Variants in ZNF180 observed in about 807,000 individuals in gnomAD.
ZNF180 encodes zinc finger protein 180 (HHZ168).
A neutral mutation model predicts 11.8 loss-of-function variants in ZNF180; 11 were observed. The ratio of observed to expected loss-of-function variants is 0.93; its 90% CI spans 0.59 to 1.55. ZNF180 has a LOEUF of 1.55. Ranked by LOEUF, ZNF180 falls within the 40% of genes most tolerant of loss-of-function variation. The pLI is 0.00. For synonymous variants in ZNF180, 287 were observed against 257.7 expected, an observed-to-expected ratio of 1.11 and a Z score of -1.09; for missense variants, 773 against 781.7, an observed-to-expected ratio of 0.99 and a Z score of 0.13.
At chr19:44,482,127 G>GGTTTTT (rs1970096569) in intron 3 of ZNF180, among the ~76,000 whole-genome samples, 1 of 152,132 alleles carries the variant, frequency 6.6e-6, no homozygotes, top group African/African-American at 2.4e-5. Flanking sequence ...GCAACATGGT[G>GGTTTTT]AAACCCTGTC....
intron 2 of ZNF180, among the ~76,000 whole-genome samples, chr19:44,488,164 C>T (rs1555735772): frequency 5.5e-5 from 5 of 90,630 alleles, no homozygotes; most frequent in South Asian, 9.8e-4. Context: ...TCTCTTTCCA[C>T]GGTCTCCCTC....
intron 2 of ZNF180, among the ~76,000 whole-genome samples, chr19:44,488,844 C>T (rs189542968): frequency 0.015 from 2,204 of 151,908 alleles, 12 homozygotes; most frequent in African/African-American, 0.023. Flanking sequence ...GCCGCAACCC[C>T]GTCTGGGAGG....
intron 3 of ZNF180, 70 bp from the exon 4 acceptor site, chr19:44,479,479 T>A: frequency 6.3e-7 from 1 of 1,593,094 alleles, no homozygotes; most frequent in Admixed American, 1.8e-5. Flanking sequence ...GGAGGAAAAG[T>A]CTGACAGATG....
At chr19:44,488,763 CAGTCTGGAA>C (rs1970321625) in intron 2 of ZNF180, among the ~76,000 whole-genome samples, 1 of 151,618 alleles carries the variant, frequency 6.6e-6, no homozygotes, top group Non-Finnish European at 1.5e-5. Context: ...CCTGGCTGCC[CAGTCTGGAA>C]AGTGAGGAGC....
chr19:44,489,841 A>T (rs890676867), intron 2 of ZNF180, among the ~76,000 whole-genome samples: 15,895 of 111,098 alleles, frequency 0.14, 989 homozygotes, highest in East Asian at 0.41. Flanking sequence ...AAAGAAGAGA[A>T]GAGATGAGAA....
intron 2 of ZNF180, among the ~76,000 whole-genome samples, chr19:44,488,517 C>G (rs1970310723): frequency 6.6e-6 from 1 of 152,174 alleles, no homozygotes; most frequent in Non-Finnish European, 1.5e-5. Flanking sequence ...CCGCCAGCCT[C>G]GGCCTCCCAA....
Sources: gnomAD v4.1 joint callset for allele counts (sites outside exome capture counted in the v4.1 genomes callset) on GRCh38, gnomAD v4.1.1 for gene constraint, MANE v1.5 for transcripts, NCBI Gene and HGNC (gene_info 2026-07-23, HGNC 2026-07-21) for gene names.